Variants in AGBL4 observed in about 807,000 individuals in gnomAD.
AGBL4 encodes the protein cytosolic carboxypeptidase 6.
Under a neutral mutation model 66.4 loss-of-function variants are expected in AGBL4, and 58 were observed. That is an observed-to-expected ratio of 0.87 (90% CI 0.71 to 1.09). The LOEUF (loss-of-function observed/expected upper bound fraction) is 1.09, where lower values mean the gene tolerates loss of function less well. Among genes scored for constraint, AGBL4 ranks in the 50% least tolerant of loss-of-function variants. AGBL4 has a pLI of 0.00. For synonymous variants in AGBL4, 234 were observed against 222.9 expected, an observed-to-expected ratio of 1.05 and a Z score of -0.44; for missense variants, 579 against 631.0, an observed-to-expected ratio of 0.92 and a Z score of 0.88.
At chr1:48,707,557 T>C (rs1189885600) in intron 6 of AGBL4, among the ~76,000 whole-genome samples, 1 of 152,188 alleles carries the variant, frequency 6.6e-6, no homozygotes, top group Non-Finnish European at 1.5e-5. Context: ...CAGTGCTCTG[T>C]CAAAATAGCC....
intron 3 of AGBL4, among the ~76,000 whole-genome samples, chr1:49,473,312 T>C (rs182083679): frequency 7.8e-4 from 118 of 152,154 alleles, no homozygotes; most frequent in African/African-American, 2.6e-3. Context: ...TCTGTTATGT[T>C]TTGACTTTTT....
intron 4 of AGBL4, among the ~76,000 whole-genome samples, chr1:49,166,200 G>C (rs1359573162): frequency 6.6e-6 from 1 of 152,020 alleles, no homozygotes; most frequent in East Asian, 1.9e-4. Flanking sequence ...TTGGAGCATC[G>C]GGGTCTTTAT....
chr1:49,204,152 T>C (rs1042133272), intron 4 of AGBL4, among the ~76,000 whole-genome samples: 1 of 152,176 alleles, frequency 6.6e-6, no homozygotes, highest in African/African-American at 2.4e-5. Flanking sequence ...CTGAGGGGAC[T>C]GTATGCAGTT....
intron 1 of AGBL4, among the ~76,000 whole-genome samples, chr1:49,975,971 C>T (rs756578526): frequency 2.6e-5 from 4 of 152,078 alleles, no homozygotes; most frequent in Non-Finnish European, 4.4e-5. Flanking sequence ...CTTCCTAATG[C>T]GCGCATTGAA....
At chr1:49,445,976 T>C (rs965845964) in intron 3 of AGBL4, among the ~76,000 whole-genome samples, 2 of 152,128 alleles carry the variant, frequency 1.3e-5, no homozygotes, top group Non-Finnish European at 2.9e-5. Context: ...CTCAGCCCTC[T>C]GAGTAGCTGG....
chr1:49,542,101 C>A (rs561516719), intron 3 of AGBL4, among the ~76,000 whole-genome samples: 2 of 152,280 alleles, frequency 1.3e-5, no homozygotes, highest in South Asian at 4.2e-4. Flanking sequence ...TGTAAACACA[C>A]CAATCAGCAC....
At chr1:49,598,089 T>A (rs1294215017) in intron 3 of AGBL4, among the ~76,000 whole-genome samples, 1 of 152,192 alleles carries the variant, frequency 6.6e-6, no homozygotes, top group African/African-American at 2.4e-5. Flanking sequence ...ATCCTTGTCT[T>A]GTGCTGGTTT....
chr1:49,879,464 T>C (rs1198075011), intron 1 of AGBL4, among the ~76,000 whole-genome samples: 1 of 148,932 alleles, frequency 6.7e-6, no homozygotes, highest in Non-Finnish European at 1.5e-5. Flanking sequence ...AAAATTATTT[T>C]CTTTAAGAAT....
At chr1:49,779,934 GA>G (rs11297534) in intron 2 of AGBL4, among the ~76,000 whole-genome samples, 64,192 of 149,932 alleles carry the variant, frequency 0.43, 16,092 homozygotes, top group Non-Finnish European at 0.57. Flanking sequence ...ATCAAAAGCA[GA>G]AAAAAAAAAT....
intron 10 of AGBL4, among the ~76,000 whole-genome samples, chr1:48,590,320 C>T (rs35890384): frequency 0.019 from 2,928 of 150,756 alleles, 26 homozygotes; most frequent in Middle Eastern, 0.035. Context: ...GCAGGAGAAT[C>T]GCTTGAACCT....
intron 3 of AGBL4, among the ~76,000 whole-genome samples, chr1:49,614,696 T>C (rs922239995): frequency 1.3e-5 from 2 of 152,146 alleles, no homozygotes; most frequent in Non-Finnish European, 2.9e-5. Context: ...GTCCAACTCA[T>C]TTTTCAAAAT....
chr1:48,918,565 T>A (rs377538115), intron 5 of AGBL4, among the ~76,000 whole-genome samples: 3 of 152,108 alleles, frequency 2.0e-5, no homozygotes, highest in East Asian at 3.9e-4. Context: ...CACTCACAAG[T>A]GGGATTAGTG....
In AGBL4 at chr1:48,863,764, AT is replaced by A. The variant is rs548056401; in HGVS notation, c.634+3426del. On this transcript the variant is annotated intron_variant, in intron 6 of 13. Coordinates refer to ENST00000371839, the MANE Select transcript of AGBL4 (RefSeq NM_032785.4). ...GGGTTATCCATACACACACAAAAAA[AT>A]AAATTCCTATTTCATATACAAAGAT... Among the ~76,000 whole-genome samples the A allele has an allele frequency of 2.8e-3, 432 of 152,244 alleles. 4 individuals carry two copies. The highest frequency in any genetic ancestry group is 3.7e-3 in the Non-Finnish European group (250 of 67,942).
At chr1:49,549,341 T>A (rs1652771189) in intron 3 of AGBL4, among the ~76,000 whole-genome samples, 1 of 152,108 alleles carries the variant, frequency 6.6e-6, no homozygotes, top group South Asian at 2.1e-4. Flanking sequence ...GGTTTGTTCT[T>A]ATTTCTCTAG....
chr1:50,018,683 A>G (rs534209585), intron 1 of AGBL4, among the ~76,000 whole-genome samples: 3 of 152,250 alleles, frequency 2.0e-5, no homozygotes, highest in Admixed American at 6.5e-5. Flanking sequence ...ACTGAGCCAC[A>G]ATGCTGAAAC....
chr1:49,767,643 C>T (rs1440235226), intron 2 of AGBL4, among the ~76,000 whole-genome samples: 1 of 151,716 alleles, frequency 6.6e-6, no homozygotes, highest in African/African-American at 2.4e-5. Flanking sequence ...AAAATCTATA[C>T]AAATGATCAA....
At chr1:49,893,031 C>A (rs1364104601) in intron 1 of AGBL4, among the ~76,000 whole-genome samples, 1 of 152,084 alleles carries the variant, frequency 6.6e-6, no homozygotes, top group East Asian at 1.9e-4. Context: ...AAATAAAATA[C>A]ATTAGAGGCA....
intron 6 of AGBL4, among the ~76,000 whole-genome samples, chr1:48,718,591 G>A (rs1250031761): frequency 6.6e-6 from 1 of 152,184 alleles, no homozygotes; most frequent in Admixed American, 6.5e-5. Context: ...ATCAGGGGCT[G>A]GAATCTGCTT....
intron 1 of AGBL4, among the ~76,000 whole-genome samples, chr1:49,968,821 G>C (rs1162916600): frequency 6.6e-6 from 1 of 152,206 alleles, no homozygotes. Flanking sequence ...CAGCATAGCA[G>C]AGTAAGAAAA....
Sources: allele counts gnomAD v4.1 joint callset (sites outside exome capture counted in the v4.1 genomes callset), GRCh38; gene constraint gnomAD v4.1.1; transcripts MANE v1.5; gene names NCBI Gene and HGNC (gene_info 2026-07-23, HGNC 2026-07-21).